COL8A1: variants seen among roughly 807,000 people sequenced by gnomAD.
COL8A1 encodes the protein collagen type VIII alpha 1 chain.
In COL8A1, 21 loss-of-function variants were observed where a neutral mutation model predicts 42.7. That is an observed-to-expected ratio of 0.49 (90% CI 0.35 to 0.71). COL8A1 has a LOEUF of 0.71. Among genes scored for constraint, COL8A1 ranks in the 30% least tolerant of loss-of-function variants. The probability of loss-of-function intolerance (pLI) is 0.01; values close to 1 mark genes in which losing one functional copy is unlikely to be tolerated. For synonymous variants in COL8A1, 367 were observed against 369.1 expected, an observed-to-expected ratio of 0.99 and a Z score of 0.06; for missense variants, 788 against 962.4, an observed-to-expected ratio of 0.82 and a Z score of 2.40.
chr3:99,732,331 C>T (rs138499555), intron 1 of COL8A1, among the ~76,000 whole-genome samples: 84 of 152,080 alleles, frequency 5.5e-4, no homozygotes, highest in Non-Finnish European at 1.0e-3. Flanking sequence ...AAAGACATAC[C>T]CAAGACTTGG....
At chr3:99,732,897 C>T (rs989050058) in intron 1 of COL8A1, among the ~76,000 whole-genome samples, 6 of 152,094 alleles carry the variant, frequency 3.9e-5, no homozygotes, top group African/African-American at 1.4e-4. Flanking sequence ...TGGGAAAATA[C>T]ACCCTTTCCA....
intron 2 of COL8A1, among the ~76,000 whole-genome samples, chr3:99,773,511 C>T (rs1399343276): frequency 6.6e-6 from 1 of 152,012 alleles, no homozygotes; most frequent in Non-Finnish European, 1.5e-5. Flanking sequence ...CATGTAGAAT[C>T]TTTATTGTGG....
intron 1 of COL8A1, among the ~76,000 whole-genome samples, chr3:99,681,736 T>G (rs1358795062): frequency 6.6e-6 from 1 of 152,210 alleles, no homozygotes; most frequent in Non-Finnish European, 1.5e-5. Flanking sequence ...TTTCACCACT[T>G]TAAGACTAAG....
At chr3:99,672,538 T>C (rs1938578021) in intron 1 of COL8A1, among the ~76,000 whole-genome samples, 1 of 151,772 alleles carries the variant, frequency 6.6e-6, no homozygotes, top group African/African-American at 2.4e-5. Flanking sequence ...TTCTAGAATT[T>C]ATATTTGGTT....
chr3:99,712,510 C>T (rs924414272), intron 1 of COL8A1, among the ~76,000 whole-genome samples: 1 of 152,126 alleles, frequency 6.6e-6, no homozygotes, highest in African/African-American at 2.4e-5. Flanking sequence ...GAATTGAAAA[C>T]CAAAGGCAGC....
intron 1 of COL8A1, among the ~76,000 whole-genome samples, chr3:99,668,605 C>T (rs538649898): frequency 2.5e-4 from 38 of 151,980 alleles, no homozygotes; most frequent in Non-Finnish European, 5.3e-4. Context: ...TAGAGCTGAG[C>T]TCTAATTAAG....
At chr3:99,654,995 T>C (rs1937971773) in intron 1 of COL8A1, among the ~76,000 whole-genome samples, 1 of 152,142 alleles carries the variant, frequency 6.6e-6, no homozygotes, top group Non-Finnish European at 1.5e-5. Flanking sequence ...ACCCACCATG[T>C]GCCAAGCCCT....
chr3:99,655,400 G>A (rs1054800882), intron 1 of COL8A1, among the ~76,000 whole-genome samples: 1 of 152,188 alleles, frequency 6.6e-6, no homozygotes, highest in Admixed American at 6.5e-5. Context: ...CAACTAAAAT[G>A]GTTACAAGAT....
chr3:99,651,260 T>C (rs1937837428), intron 1 of COL8A1, among the ~76,000 whole-genome samples: 2 of 152,210 alleles, frequency 1.3e-5, no homozygotes, highest in Admixed American at 6.5e-5. Flanking sequence ...AGACATACAA[T>C]TGCTTCAGTC....
At chr3:99,662,324 C>T (rs942974551) in intron 1 of COL8A1, among the ~76,000 whole-genome samples, 1 of 150,526 alleles carries the variant, frequency 6.6e-6, no homozygotes, top group Non-Finnish European at 1.5e-5. Flanking sequence ...GGAGGTTGCC[C>T]TGAGCCGACA....
chr3:99,696,975 AATT>A (rs1939389137), intron 1 of COL8A1, among the ~76,000 whole-genome samples: 2 of 133,894 alleles, frequency 1.5e-5, no homozygotes, highest in Admixed American at 8.1e-5. Context: ...AATATACACA[AATT>A]TTTTTTTTTT....
At chr3:99,735,760 G>A (rs1463609424) in intron 1 of COL8A1, among the ~76,000 whole-genome samples, 13 of 151,882 alleles carry the variant, frequency 8.6e-5, no homozygotes, top group African/African-American at 2.2e-4. Context: ...GGTAGAATTC[G>A]GCTGTGAATC....
intron 3 of COL8A1, among the ~76,000 whole-genome samples, chr3:99,792,886 A>T (rs2107458254): frequency 6.6e-6 from 1 of 152,352 alleles, no homozygotes; most frequent in East Asian, 1.9e-4. Context: ...ATTCTAAAGG[A>T]GAGATGTGGA....
intron 2 of COL8A1, among the ~76,000 whole-genome samples, chr3:99,775,373 GAC>G (rs1941675307): frequency 6.6e-6 from 1 of 152,160 alleles, no homozygotes; most frequent in South Asian, 2.1e-4. Context: ...GGAAGCACGA[GAC>G]CCTCTTTTGG....
intron 1 of COL8A1, among the ~76,000 whole-genome samples, chr3:99,683,647 T>C (rs551103897): frequency 1.0e-3 from 156 of 152,024 alleles, no homozygotes; most frequent in Non-Finnish European, 1.7e-3. Flanking sequence ...GGGAAGCAGG[T>C]GGATAGGACC....
chr3:99,739,293 T>C (rs1380639992), intron 1 of COL8A1, among the ~76,000 whole-genome samples: 1 of 152,214 alleles, frequency 6.6e-6, no homozygotes, highest in Non-Finnish European at 1.5e-5. Flanking sequence ...CTGTGGCTTT[T>C]CCAGGTGCAC....
rs185470170 is a variant in COL8A1, at chr3:99,640,976, G to A, written c.-129+2312G>A. On this transcript the variant is annotated intron_variant, in intron 1 of 3. Coordinates refer to ENST00000652472, the MANE Select transcript of COL8A1 (RefSeq NM_020351.4). ...AGAAAAGATAAGATGAGAAGCTGCCGCTTTCACTAGAGACACAAGAAGGGA... is the reference window on the plus strand; with the variant it reads ...AGAAAAGATAAGATGAGAAGCTGCCACTTTCACTAGAGACACAAGAAGGGA... 2.7e-3 allele frequency among the ~76,000 whole-genome samples: 418 copies of A among 152,236 alleles called. 1 individual carries two copies. The highest frequency in any genetic ancestry group is 3.4e-3 in the Middle Eastern group (1 of 294).
At chr3:99,774,426 G>A (rs1941652391) in intron 2 of COL8A1, among the ~76,000 whole-genome samples, 1 of 152,056 alleles carries the variant, frequency 6.6e-6, no homozygotes, top group South Asian at 2.1e-4. Flanking sequence ...GCTACGCAAT[G>A]TCTTCCATTT....
intron 1 of COL8A1, among the ~76,000 whole-genome samples, chr3:99,700,827 C>T (rs1465943534): frequency 6.6e-6 from 1 of 152,156 alleles, no homozygotes; most frequent in Non-Finnish European, 1.5e-5. Context: ...TGCATACATA[C>T]ACACACCCTG....
Sources: gnomAD v4.1 joint callset for allele counts (sites outside exome capture counted in the v4.1 genomes callset) on GRCh38, gnomAD v4.1.1 for gene constraint, MANE v1.5 for transcripts, NCBI Gene and HGNC (gene_info 2026-07-23, HGNC 2026-07-21) for gene names.